Variants in DNAH8 observed in about 807,000 individuals in gnomAD.
DNAH8 encodes axonemal beta dynein heavy chain 8.
In DNAH8, 382 loss-of-function variants were observed where a neutral mutation model predicts 562.1. The observed-to-expected ratio is 0.68, with a 90% CI of 0.63 to 0.74. The LOEUF is 0.74. Ranked by LOEUF, DNAH8 falls within the 30% of genes least tolerant of loss-of-function variation. The probability of loss-of-function intolerance (pLI) is 0.00; values close to 1 mark genes in which losing one functional copy is unlikely to be tolerated. For missense variants in DNAH8, 5,203 were observed against 5,620.4 expected, an observed-to-expected ratio of 0.93 and a Z score of 2.37; for synonymous variants, 1,881 against 1,919.4, an observed-to-expected ratio of 0.98 and a Z score of 0.52.
At chr6:38,883,516 AATAAAATGTGTACGCAT>A in intron 55 of DNAH8, 60 bp downstream of exon 55, 2 of 1,496,216 alleles carry the variant, frequency 1.3e-6, no homozygotes, top group South Asian at 2.6e-5. Context: ...TAGTGGTTAC[AATAAAATGTGTACGCAT>A]ATAAAATGTG....
intron 1 of DNAH8, among the ~76,000 whole-genome samples, chr6:38,716,993 T>C (rs1762389806): frequency 6.6e-6 from 1 of 152,210 alleles, no homozygotes; most frequent in Non-Finnish European, 1.5e-5. Context: ...TTGAAAATGA[T>C]TGCATCCAGC....
intron 17 of DNAH8, among the ~76,000 whole-genome samples, chr6:38,783,893 G>C (rs1210253125): frequency 3.9e-5 from 6 of 152,238 alleles, no homozygotes; most frequent in African/African-American, 1.4e-4. Context: ...CCAAACCAGC[G>C]TCTCCACCTC....
chr6:38,922,182 A>G (rs147953149), intron 71 of DNAH8, among the ~76,000 whole-genome samples: 4 of 151,906 alleles, frequency 2.6e-5, no homozygotes, highest in Non-Finnish European at 5.9e-5. Flanking sequence ...CAATCTACCT[A>G]GCTCTGTTTG....
intron 16 of DNAH8, among the ~76,000 whole-genome samples, chr6:38,782,125 A>AT (rs1328651136): frequency 1.3e-5 from 2 of 151,950 alleles, no homozygotes; most frequent in East Asian, 3.9e-4. Flanking sequence ...TGTTCTGAAT[A>AT]TCAAAAAAAA....
chr6:39,011,924 T>C (rs1176816959), intron 89 of DNAH8, among the ~76,000 whole-genome samples: 1 of 152,208 alleles, frequency 6.6e-6, no homozygotes, highest in Non-Finnish European at 1.5e-5. Context: ...CTTAATCATG[T>C]GAAAGGAGAA....
intron 17 of DNAH8, 82 bp downstream of exon 17, chr6:38,783,221 A>T: frequency 2.4e-6 from 3 of 1,271,196 alleles, no homozygotes; most frequent in Non-Finnish European, 3.4e-6. Context: ...AACTTTTTCC[A>T]TCCCTTCCAC....
chr6:38,924,127 C>G lies in DNAH8; in HGVS notation c.10927C>G (p.Leu3643Val). Reference sequence around the variant, plus strand: ...ACGGAAAATTCCTTTCACAGAAAACCTGAATCTTATTTCAATGTTGGTGGA... The same window carrying G: ...ACGGAAAATTCCTTTCACAGAAAACGTGAATCTTATTTCAATGTTGGTGGA... ...RARKIPFTEN[L>V]NLISMLVDPP... is the part of the protein sequence containing the mutation. The change falls in exon 73 of 93, where the codon CTG (leucine) becomes GTG (valine). Residue 3643 changes from leucine to valine, a missense_variant. Leu to Val is a conservative substitution (Grantham distance 32). Around this residue, in one of 6 missense-constraint regions of DNAH8, gnomAD observed 1,399 missense variants for 1,518.4 expected, o/e 0.92. Transcript: ENST00000327475. 6.2e-7 allele frequency: 1 copy of G among 1,613,868 alleles called. No individual in the cohort carries two copies. Among genetic ancestry groups the G allele is most frequent in the Non-Finnish European group, 8.5e-7 (1 of 1,179,886 alleles).
At chr6:38,945,288 A>C (rs1561898212) in intron 79 of DNAH8, among the ~76,000 whole-genome samples, 179 bp from the exon 80 acceptor site, 1 of 152,216 alleles carries the variant, frequency 6.6e-6, no homozygotes, top group Non-Finnish European at 1.5e-5. Context: ...CAGTAAATAA[A>C]ACACTAAGAC....
rs1412128449 is a variant in DNAH8, at chr6:38,898,331, C to A, written c.9014C>A (p.Thr3005Lys). 1 of 1,587,866 alleles carries A rather than the reference C, an allele frequency of 6.3e-7. No individual in the cohort carries two copies. The highest frequency in any genetic ancestry group is 8.5e-7 in the Non-Finnish European group (1 of 1,171,730). ...CAGTTCAATGAAATCATTAGAGGAA[C>A]ATCTCTTGATCTGGTGTTTTTTAAA... is the stretch of plus-strand genomic sequence containing the variant. ...QRQFNEIIRG[T>K]SLDLVFFKDA... The change falls in exon 61 of 93, where the codon ACA becomes AAA. Residue 3005 changes from threonine to lysine, a missense_variant. By Grantham distance (78) the Thr-to-Lys change is moderately conservative. This residue lies in a region of DNAH8 where 977 missense variants were observed against 1,061.8 expected (regional missense o/e 0.92). Transcript: ENST00000327475.
chr6:39,026,397 A>T, intron 91 of DNAH8, 149 bp from the exon 92 acceptor site: 1 of 699,672 alleles, frequency 1.4e-6, no homozygotes, highest in Non-Finnish European at 2.3e-6. Context: ...CACTGAGACA[A>T]ATGTCTCCCC....
At chr6:38,823,747 AT>A in intron 28 of DNAH8, 59 bp downstream of exon 28, 1 of 1,250,900 alleles carries the variant, frequency 8.0e-7, no homozygotes, top group Non-Finnish European at 1.1e-6. Context: ...GTGTTACTTT[AT>A]TTAGCAAGCA....
intron 8 of DNAH8, among the ~76,000 whole-genome samples, chr6:38,747,370 C>CTTTTTTTTTTTTTTTTTTT (rs1264670625): frequency 7.3e-6 from 1 of 137,092 alleles, no homozygotes. Context: ...TTGTCATTTT[C>CTTTTTTTTTTTTTTTTTTT]TTTTTTTCTT....
chr6:38,789,602 C>T lies in DNAH8; in HGVS notation c.2584-201C>T, dbSNP rs7756191. On this transcript the variant is annotated intron_variant, in intron 18 of 92. Transcript: ENST00000327475. Reference sequence around the variant, plus strand: ...AAAAATGAAGATGTAGAAATTGCTACTGACTTGTTTAAAGGAGATGCTCAG... The same window carrying T: ...AAAAATGAAGATGTAGAAATTGCTATTGACTTGTTTAAAGGAGATGCTCAG... Among the ~76,000 whole-genome samples the T allele has an allele frequency of 0.33, 50,752 of 151,926 alleles. 8,857 individuals are homozygous for T. Among genetic ancestry groups the T allele is most frequent in the South Asian group, 0.41 (1,952 of 4,814 alleles).
At chr6:38,732,967 C>T (rs1180239202) in intron 4 of DNAH8, among the ~76,000 whole-genome samples, 2 of 152,086 alleles carry the variant, frequency 1.3e-5, no homozygotes, top group Non-Finnish European at 2.9e-5. Context: ...TGGCTTATTG[C>T]ACTCTTGATC....
intron 88 of DNAH8, among the ~76,000 whole-genome samples, chr6:39,001,165 C>T (rs1765455866): frequency 1.3e-5 from 2 of 151,908 alleles, no homozygotes; most frequent in East Asian, 3.9e-4. Context: ...GAGTTTGGGG[C>T]AATATTTTAA....
At chr6:38,726,851 GTTTTT>G (rs58557655) in intron 3 of DNAH8, among the ~76,000 whole-genome samples, 32 of 63,282 alleles carry the variant, frequency 5.1e-4, no homozygotes, top group Non-Finnish European at 7.3e-4. Flanking sequence ...GTATTCTTTA[GTTTTT>G]TTTTTTTTTT....
At chr6:38,977,480 G>A (rs954023380) in intron 85 of DNAH8, among the ~76,000 whole-genome samples, 11 of 151,990 alleles carry the variant, frequency 7.2e-5, no homozygotes, top group Admixed American at 3.3e-4. Context: ...GCCTGGGCTC[G>A]GTTTGGCTGC....
chr6:38,919,798 T>C (rs1351780888), intron 70 of DNAH8, among the ~76,000 whole-genome samples: 1 of 152,190 alleles, frequency 6.6e-6, no homozygotes, highest in African/African-American at 2.4e-5. Context: ...GCTTCTGTGA[T>C]ATGGCCAAAA....
At chr6:38,879,974 C>T (rs4555909) in intron 53 of DNAH8, among the ~76,000 whole-genome samples, 65,940 of 152,072 alleles carry the variant, frequency 0.43, 15,225 homozygotes, top group East Asian at 0.84. Flanking sequence ...GGGGCTCACA[C>T]CTTCACACCT....
Sources: allele counts gnomAD v4.1 joint callset (sites outside exome capture counted in the v4.1 genomes callset), GRCh38; gene constraint gnomAD v4.1.1; regional missense constraint gnomAD v4.1.1; transcripts MANE v1.5; gene names NCBI Gene and HGNC (gene_info 2026-07-23, HGNC 2026-07-21).